ZNF138: variants seen among roughly 807,000 people sequenced by gnomAD.
The protein encoded by ZNF138 is zinc finger protein 138 (clone pHZ-32).
A neutral mutation model predicts 33.0 loss-of-function variants in ZNF138; 33 were observed. That is an observed-to-expected ratio of 1.00 (90% confidence interval 0.76 to 1.34). The LOEUF is 1.34. ZNF138 is among the 40% of genes most tolerant of loss of function. The pLI is 0.00. For synonymous variants in ZNF138, 139 were observed against 120.4 expected (o/e 1.15, Z -1.01); for missense variants, 360 against 370.8 (o/e 0.97, Z 0.24).
the ZNF138 span, among the ~76,000 whole-genome samples, chr7:64,846,489 G>A: frequency 6.6e-6 from 1 of 152,102 alleles, no homozygotes; most frequent in Non-Finnish European, 1.5e-5. Context: ...TCTGTGGTTA[G>A]GTATATTCCC....
At chr7:64,798,405 G>A (rs1475815843) in intron 1 of ZNF138, among the ~76,000 whole-genome samples, 1 of 152,222 alleles carries the variant, frequency 6.6e-6, no homozygotes, top group African/African-American at 2.4e-5. Context: ...TATTTTATTT[G>A]ACCGCTGAAG....
intron 1 of ZNF138, among the ~76,000 whole-genome samples, chr7:64,802,554 G>T (rs1010984842): frequency 1.3e-5 from 2 of 151,608 alleles, no homozygotes; most frequent in African/African-American, 2.4e-5. Context: ...ATAATGTTAC[G>T]CCAGAGTCAG....
At chr7:64,830,895 A>G (rs1412855556) in intron 3 of ZNF138, 9 of 1,509,836 alleles carry the variant, frequency 6.0e-6, no homozygotes, top group Admixed American at 2.4e-5. Flanking sequence ...TTTCATCTTA[A>G]TAGTCAGTAG....
At chr7:64,821,378 G>A (rs904832694) in intron 3 of ZNF138, among the ~76,000 whole-genome samples, 9 of 151,012 alleles carry the variant, frequency 6.0e-5, no homozygotes, top group East Asian at 5.8e-4. Context: ...TGTGAGCCAC[G>A]GTGCCCAGCC....
intron 3 of ZNF138, among the ~76,000 whole-genome samples, chr7:64,827,756 T>C (rs886922637): frequency 1.3e-5 from 2 of 152,328 alleles, no homozygotes; most frequent in African/African-American, 4.8e-5. Flanking sequence ...AATATATTGA[T>C]GTACTTGATG....
At chr7:64,847,024 ATT>A in the ZNF138 span, among the ~76,000 whole-genome samples, 1 of 152,020 alleles carries the variant, frequency 6.6e-6, no homozygotes, top group African/African-American at 2.4e-5. Context: ...GATAATCGTG[ATT>A]TTTTGTTTTA....
rs536803484 is a variant in ZNF138, at chr7:64,832,887, C to G, written c.*685C>G. On this transcript the variant is annotated 3_prime_UTR_variant, in exon 4 of 4. Transcript: ENST00000307355. Reference sequence around the variant, plus strand: ...TAACCAGTTCTCACAACTTGCTATACATAAGATGATTCACACTTGAATGAA... The same window carrying G: ...TAACCAGTTCTCACAACTTGCTATAGATAAGATGATTCACACTTGAATGAA... 1 of 393,888 alleles carries G rather than the reference C, an allele frequency of 2.5e-6. No individual in the cohort carries two copies. The allele number at this position is 393,888 out of a possible 1,614,324, so 24.4% of individuals were successfully genotyped here.
chr7:64,844,844 G>C, the ZNF138 span, among the ~76,000 whole-genome samples: 1 of 152,024 alleles, frequency 6.6e-6, no homozygotes, highest in African/African-American at 2.4e-5. Flanking sequence ...AAGCCACCTC[G>C]CTCAGCTAAT....
At chr7:64,844,669 G>GT in the ZNF138 span, among the ~76,000 whole-genome samples, 1 of 76,938 alleles carries the variant, frequency 1.3e-5, no homozygotes, top group African/African-American at 4.1e-5. Context: ...AGTTTTATGT[G>GT]TTTTTTTGTT....
chr7:64,832,933 G>A lies in ZNF138; in HGVS notation c.*731G>A. The A allele has an allele frequency of 2.6e-6, 1 of 386,896 alleles. No homozygotes were observed. The highest frequency in any genetic ancestry group is 2.1e-5 in the South Asian group (1 of 48,746). 24.0% of individuals were successfully genotyped at this position (386,896 alleles called of 1,614,324 possible). On this transcript the variant is annotated 3_prime_UTR_variant, in exon 4 of 4. Coordinates refer to ENST00000307355, the MANE Select transcript of ZNF138 (RefSeq NM_001271639.2). ...ATGAAACCCTACAAATGTGAACGATGTGGCAGTTGTTTTAACTAGTTCTCG... is the reference window on the plus strand; with the variant it reads ...ATGAAACCCTACAAATGTGAACGATATGGCAGTTGTTTTAACTAGTTCTCG...
chr7:64,797,869 CA>C (rs534453532), intron 1 of ZNF138, among the ~76,000 whole-genome samples: 1 of 151,886 alleles, frequency 6.6e-6, no homozygotes, highest in African/African-American at 2.4e-5. Flanking sequence ...TAGGGAGGAG[CA>C]AAAAAGATTA....
At chr7:64,831,324 A>C in intron 3 of ZNF138, 127 bp from the exon 4 acceptor site, 1 of 973,192 alleles carries the variant, frequency 1.0e-6, no homozygotes, top group Non-Finnish European at 1.5e-6. Context: ...TAAAGGAATT[A>C]GAACCTGTGG....
chr7:64,848,908 G>A, the ZNF138 span, among the ~76,000 whole-genome samples: 6 of 151,972 alleles, frequency 3.9e-5, no homozygotes, highest in African/African-American at 1.5e-4. Flanking sequence ...ATTTCCCTAT[G>A]TTAGCCAGGA....
intron 1 of ZNF138, among the ~76,000 whole-genome samples, chr7:64,801,727 A>T (rs1384816287): frequency 1.3e-5 from 2 of 152,152 alleles, no homozygotes; most frequent in African/African-American, 2.4e-5. Context: ...TGCCTCAATA[A>T]TGTGTCTAAT....
chr7:64,807,636 A>C (rs968613019), intron 1 of ZNF138, among the ~76,000 whole-genome samples: 2 of 152,206 alleles, frequency 1.3e-5, no homozygotes, highest in African/African-American at 2.4e-5. Flanking sequence ...CCTGAGATTT[A>C]CAAAGCAGGG....
rs751956392 is a variant in ZNF138, at chr7:64,815,064, A to G, written c.130+20A>G. ...TCTTGGGTGAGAATAACTTCAGTAC[A>G]CATTTCCTAATATATCCTAAAGGTT... is the stretch of plus-strand genomic sequence containing the variant. On this transcript the variant is annotated intron_variant, in intron 2 of 3. Coordinates refer to ENST00000307355, the MANE Select transcript of ZNF138 (RefSeq NM_001271639.2). 53 of 1,562,356 alleles carry G rather than the reference A, an allele frequency of 3.4e-5. No homozygotes were observed. The highest frequency in any genetic ancestry group is 4.5e-5 in the Non-Finnish European group (52 of 1,160,100).
At chr7:64,821,640 G>A (rs1489036069) in intron 3 of ZNF138, among the ~76,000 whole-genome samples, 3 of 151,172 alleles carry the variant, frequency 2.0e-5, no homozygotes, top group Admixed American at 6.6e-5. Context: ...TCCACCTCCC[G>A]GGTTCAAGTG....
the ZNF138 span, chr7:64,852,582 C>T: frequency 2.6e-6 from 4 of 1,545,560 alleles, no homozygotes; most frequent in East Asian, 4.5e-5. Flanking sequence ...GCTGTTTGCT[C>T]ACATGGTAAA....
intron 1 of ZNF138, among the ~76,000 whole-genome samples, chr7:64,796,548 G>T (rs1339256157): frequency 6.6e-6 from 1 of 151,912 alleles, no homozygotes; most frequent in Non-Finnish European, 1.5e-5. Flanking sequence ...GATGGGTTTT[G>T]GAAAAAAATA....
Sources: allele counts gnomAD v4.1 joint callset (sites outside exome capture counted in the v4.1 genomes callset), GRCh38; gene constraint gnomAD v4.1.1; transcripts MANE v1.5; gene names NCBI Gene and HGNC (gene_info 2026-07-23, HGNC 2026-07-21).